Variants in CYP2A13 observed in about 807,000 individuals in gnomAD.
CYP2A13 encodes the protein cytochrome P450 2A13.
Under a neutral mutation model 39.4 loss-of-function variants are expected in CYP2A13, and 30 were observed. The ratio of observed to expected loss-of-function variants is 0.76; its 90% confidence interval spans 0.57 to 1.03. The LOEUF (loss-of-function observed/expected upper bound fraction) is 1.03, where lower values mean the gene tolerates loss of function less well. CYP2A13 is among the 50% of genes least tolerant of loss of function. The pLI, the probability that CYP2A13 is intolerant of heterozygous loss-of-function variation, is 0.00. For synonymous variants in CYP2A13, 269 were observed against 254.7 expected (o/e 1.06, Z -0.54); for missense variants, 731 against 648.4 (o/e 1.13, Z -1.38).
At chr19:41,095,630 C>G in intron 8 of CYP2A13, 130 bp from the exon 9 acceptor site, 2 of 1,222,944 alleles carry the variant, frequency 1.6e-6, no homozygotes, top group Non-Finnish European at 2.3e-6. Flanking sequence ...GGATCGGAGT[C>G]TCCTCTGAAA....
At chr19:41,091,290 G>T (rs2031183180) in intron 4 of CYP2A13, among the ~76,000 whole-genome samples, 1 of 152,042 alleles carries the variant, frequency 6.6e-6, no homozygotes. Context: ...CTGAACAAAA[G>T]CCCCCAATCC....
Position 41,090,476 on chromosome 19 carries a change from A to G in CYP2A13, c.566A>G (p.Asp189Gly). Residue 189 changes from aspartate (D) to glycine (G), a missense_variant, in exon 4 of 9, where the codon GAC becomes GGC. By Grantham distance (94) the Asp-to-Gly change is moderately conservative. Coordinates refer to ENST00000330436, the MANE Select transcript of CYP2A13 (RefSeq NM_000766.5). ...SNVISSIVFG[D>G]RFDYEDKEFL... ...GTCATCAGCTCCATTGTCTTTGGGG[A>G]CCGCTTTGACTATGAGGACAAAGAG... 2 of 1,613,872 alleles carry G rather than the reference A, an allele frequency of 1.2e-6. No individual in the cohort carries two copies. Among genetic ancestry groups the G allele is most frequent in the Non-Finnish European group, 1.7e-6 (2 of 1,179,980 alleles).
At chr19:41,094,811 C>A in intron 7 of CYP2A13, 148 bp from the exon 8 acceptor site, 1 of 869,200 alleles carries the variant, frequency 1.2e-6, no homozygotes, top group Non-Finnish European at 1.8e-6. Flanking sequence ...ACTTCTATCC[C>A]CCAAAGCTCC....
At chr19:41,092,040 C>A in intron 5 of CYP2A13, 132 bp downstream of exon 5, 1 of 1,372,712 alleles carries the variant, frequency 7.3e-7, no homozygotes, top group Non-Finnish European at 9.8e-7. Context: ...ATTGGCCAGG[C>A]GCGGTGGCTC....
At chr19:41,094,089 C>T (rs1241232862) in intron 6 of CYP2A13, among the ~76,000 whole-genome samples, 156 bp from the exon 7 acceptor site, 1 of 152,160 alleles carries the variant, frequency 6.6e-6, no homozygotes, top group East Asian at 1.9e-4. Flanking sequence ...CAGGATCCTG[C>T]TGCAACAATG....
At position 41,096,119 on chromosome 19, in the gene CYP2A13, A is replaced by C; in HGVS notation, c.*178A>C. 1 of 914,054 alleles carries C rather than the reference A, an allele frequency of 1.1e-6. No individual in the cohort carries two copies. Among genetic ancestry groups the C allele is most frequent in the Non-Finnish European group, 1.6e-6 (1 of 607,834 alleles). 56.6% of individuals were successfully genotyped at this position (914,054 alleles called of 1,614,324 possible). On this transcript the variant is annotated 3_prime_UTR_variant, in exon 9 of 9. Coordinates refer to ENST00000330436, the MANE Select transcript of CYP2A13 (RefSeq NM_000766.5). ...TCAGTTCACCTTGATGATGTCCTTC[A>C]GAGCTGTGATGAGAGGAAGGGAAAC...
Position 41,094,405 on chromosome 19 carries a change from C to A in CYP2A13, c.1134C>A (p.Thr378=). The part of the protein sequence containing the change: ...MGLAHRVNKD[T]KFRDFFLPKG... ...TGGCCCACAGGGTCAACAAGGACACCAAGTTTCGGGATTTCTTCCTCCCTA... is the reference window on the plus strand; with the variant it reads ...TGGCCCACAGGGTCAACAAGGACACAAAGTTTCGGGATTTCTTCCTCCCTA... The change falls in exon 7 of 9, where the codon ACC becomes ACA. Residue 378 remains threonine (T), a synonymous_variant. Transcript: ENST00000330436. The A allele has an allele frequency of 6.2e-7, 1 of 1,614,078 alleles. No individual in the cohort carries two copies. Among genetic ancestry groups the A allele is most frequent in the Non-Finnish European group, 8.5e-7 (1 of 1,179,990 alleles).
Position 41,090,571 on chromosome 19 carries a change from G to C in CYP2A13, c.654+7G>C. 1 of 1,614,016 alleles carries C rather than the reference G, an allele frequency of 6.2e-7. No homozygotes were observed. The highest frequency in any genetic ancestry group is 8.5e-7 in the Non-Finnish European group (1 of 1,179,926). ...GGCAACCTCCACGGGGCAGGTAACT[G>C]GCTGCAGCCCGCCAGTGACGCCCCT... On this transcript the variant is annotated splice_region_variant and intron_variant, in intron 4 of 8. Transcript: ENST00000330436.
chr19:41,088,574 C>T lies in CYP2A13; in HGVS notation c.103C>T (p.Pro35Ser), dbSNP rs758313603. The change falls in exon 1 of 9, where the codon CCG (proline) becomes TCG (serine). Residue 35 changes from proline to serine, a missense_variant. Physicochemically the swap from Pro to Ser is moderately conservative, Grantham distance 74. Coordinates refer to ENST00000330436, the MANE Select transcript of CYP2A13 (RefSeq NM_000766.5). ...GAGGAAGAGCAGGGGGAAGCTGCCT[C>T]CGGGACCCACCCCATTGCCCTTCAT... ...RQRKSRGKLP[P>S]GPTPLPFIGN... 3.1e-6 allele frequency: 5 copies of T among 1,613,884 alleles called. No homozygotes were observed. Among genetic ancestry groups the T allele is most frequent in the African/African-American group, 1.3e-5 (1 of 74,900 alleles).
intron 4 of CYP2A13, 21 bp downstream of exon 4, chr19:41,090,585 A>C (rs775512003): frequency 2.2e-5 from 36 of 1,613,916 alleles, no homozygotes; most frequent in African/African-American, 1.1e-4. Flanking sequence ...GCAGCCCGCC[A>C]GTGACGCCCC....
In CYP2A13 at chr19:41,095,919, C is replaced by G; in HGVS notation, c.1463C>G (p.Thr488Ser). 3 of 1,613,912 alleles carry G rather than the reference C, an allele frequency of 1.9e-6. No individual in the cohort carries two copies. The highest frequency in any genetic ancestry group is 2.5e-6 in the Non-Finnish European group (3 of 1,179,902). Reference sequence around the variant, plus strand: ...TTTGCCACGATCCCACGAAACTACACCATGAGCTTCCTGCCCCGCTGAGCG... The same window carrying G: ...TTTGCCACGATCCCACGAAACTACAGCATGAGCTTCCTGCCCCGCTGAGCG... ...VGFATIPRNYTMSFLPR is the reference protein window; with the variant it reads ...VGFATIPRNYSMSFLPR Residue 488 changes from threonine to serine, a missense_variant, in exon 9 of 9, where the codon ACC becomes AGC. Thr to Ser is a moderately conservative substitution (Grantham distance 58, BLOSUM62 1). Coordinates refer to ENST00000330436, the MANE Select transcript of CYP2A13 (RefSeq NM_000766.5).
intron 8 of CYP2A13, 45 bp from the exon 9 acceptor site, chr19:41,095,715 C>T (rs761436435): frequency 6.2e-7 from 1 of 1,609,450 alleles, no homozygotes; most frequent in Non-Finnish European, 8.5e-7. Context: ...TGAGGCTGCA[C>T]TGAGAGTGGG....
Position 41,095,915 on chromosome 19 carries a change from T to C in CYP2A13, c.1459T>C (p.Tyr487His). ...GGGCTTTGCCACGATCCCACGAAAC[T>C]ACACCATGAGCTTCCTGCCCCGCTG... ...HVGFATIPRN[Y>H]TMSFLPR The change falls in exon 9 of 9, where the codon TAC becomes CAC. Residue 487 changes from tyrosine to histidine, a missense_variant. Transcript: ENST00000330436. 6.3e-7 allele frequency: 1 copy of C among 1,578,104 alleles called. No individual in the cohort carries two copies. Among genetic ancestry groups the C allele is most frequent in the Non-Finnish European group, 8.6e-7 (1 of 1,158,098 alleles).
chr19:41,094,168 C>T, intron 6 of CYP2A13, 77 bp from the exon 7 acceptor site: 3 of 1,570,882 alleles, frequency 1.9e-6, no homozygotes, highest in Non-Finnish European at 2.6e-6. Context: ...ATGTCAACCA[C>T]CGTGTTTTAC....
At chr19:41,094,879 A>C in intron 7 of CYP2A13, 80 bp from the exon 8 acceptor site, 1 of 1,528,574 alleles carries the variant, frequency 6.5e-7, no homozygotes, top group Non-Finnish European at 9.0e-7. Flanking sequence ...GGGGCACCCT[A>C]GTTCCCCCTG....
At chr19:41,090,283 C>T in intron 3 of CYP2A13, 87 bp downstream of exon 3, 1 of 1,564,812 alleles carries the variant, frequency 6.4e-7, no homozygotes, top group Middle Eastern at 1.9e-4. Context: ...GCCCGCACTT[C>T]CAGCCCTGGA....
At chr19:41,090,379 C>T (rs1465035040) in intron 3 of CYP2A13, 25 bp from the exon 4 acceptor site, 1 of 1,613,768 alleles carries the variant, frequency 6.2e-7, no homozygotes, top group Non-Finnish European at 8.5e-7. Flanking sequence ...CTCTCCCCAA[C>T]CCCCTTCTCC....
intron 5 of CYP2A13, 99 bp downstream of exon 5, chr19:41,092,007 C>G: frequency 6.6e-7 from 1 of 1,522,388 alleles, no homozygotes; most frequent in African/African-American, 1.4e-5. Flanking sequence ...TTCAAATTAG[C>G]CCTCGTCATA....
In CYP2A13 at chr19:41,088,511, T is replaced by C; in HGVS notation, c.40T>C (p.Cys14Arg). ...GCTGCTTCTGGTGACCTTGCTGGCC[T>C]GCCTGACTGTGATGGTCTTGATGTC... ...SGLLLVTLLA[C>R]LTVMVLMSVW... is the part of the protein sequence containing the mutation. Residue 14 changes from cysteine (C) to arginine (R), a missense_variant, in exon 1 of 9, where the codon TGC becomes CGC. By Grantham distance (180) the Cys-to-Arg change is radical (BLOSUM62 -3). Transcript: ENST00000330436. The C allele has an allele frequency of 6.2e-7, 1 of 1,614,006 alleles. No individual in the cohort carries two copies. The highest frequency in any genetic ancestry group is 8.5e-7 in the Non-Finnish European group (1 of 1,179,892).
Sources: allele counts gnomAD v4.1 joint callset (sites outside exome capture counted in the v4.1 genomes callset), GRCh38; gene constraint gnomAD v4.1.1; transcripts MANE v1.5; gene names NCBI Gene and HGNC (gene_info 2026-07-23, HGNC 2026-07-21).